The following TIMMDC1 variants were observed in gnomAD, a reference collection of about 807,000 sequenced individuals.
TIMMDC1 encodes complex I assembly factor TIMMDC1, mitochondrial.
In TIMMDC1, 25 loss-of-function variants were observed where a neutral mutation model predicts 32.6. The observed-to-expected ratio is 0.77, with a 90% confidence interval of 0.56 to 1.07. The LOEUF is 1.07. Among genes scored for constraint, TIMMDC1 ranks in the 50% least tolerant of loss-of-function variants. TIMMDC1 has a pLI of 0.00. For missense variants in TIMMDC1, 329 were observed against 349.2 expected (o/e 0.94, Z 0.46); for synonymous variants, 130 against 127.6 (o/e 1.02, Z -0.13).
chr3:119,505,189 C>G (rs900740490), intron 4 of TIMMDC1, among the ~76,000 whole-genome samples: 3 of 151,978 alleles, frequency 2.0e-5, no homozygotes, highest in Non-Finnish European at 4.4e-5. Flanking sequence ...TATATACATA[C>G]TGCAAAACAT....
At chr3:119,519,188 G>A (rs2082006972) in intron 6 of TIMMDC1, among the ~76,000 whole-genome samples, 1 of 151,986 alleles carries the variant, frequency 6.6e-6, no homozygotes, top group East Asian at 1.9e-4. Flanking sequence ...GAAGAAAGGG[G>A]AACAAAGATT....
intron 1 of TIMMDC1, among the ~76,000 whole-genome samples, chr3:119,500,052 G>T (rs553699181): frequency 3.9e-5 from 6 of 152,348 alleles, no homozygotes; most frequent in Non-Finnish European, 8.8e-5. Context: ...CTACAGGCGT[G>T]TGCTACTGTG....
At chr3:119,514,859 A>G (rs1322807068) in intron 5 of TIMMDC1, among the ~76,000 whole-genome samples, 1 of 152,088 alleles carries the variant, frequency 6.6e-6, no homozygotes, top group African/African-American at 2.4e-5. Context: ...TCTGGGGAAG[A>G]ATCTGTTTCC....
rs181834175 is a variant in TIMMDC1 at position 119,502,298 on chromosome 3, T to C, written c.361-1234T>C. On this transcript the variant is annotated intron_variant, in intron 2 of 6. Transcript: ENST00000494664. ...AGGCTGGAGTACAGTGGCACAATCT[T>C]GGCTTGCTGCAACCTCCATTTCCCA... Among the ~76,000 whole-genome samples the C allele has an allele frequency of 6.3e-3, 955 of 151,960 alleles. 5 individuals are homozygous for C. The highest frequency in any genetic ancestry group is 8.4e-3 in the Non-Finnish European group (571 of 67,924).
At position 119,498,779 on chromosome 3, in the gene TIMMDC1, T is replaced by C; in HGVS notation, c.46T>C (p.Leu16=). The change falls in exon 1 of 7, where the codon TTG becomes CTG. Residue 16 remains leucine (L), a synonymous_variant. Coordinates refer to ENST00000494664, the MANE Select transcript of TIMMDC1 (RefSeq NM_016589.4). ...ACCGCGGAGCTTTCTCTGTAGAGCA[T>C]TGTGCCTATTTCCCCGAGTCTTTGC... ...PAPRSFLCRA[L]CLFPRVFAAE... The C allele has an allele frequency of 6.2e-7, 1 of 1,614,220 alleles. No homozygotes were observed. Among genetic ancestry groups the C allele is most frequent in the Non-Finnish European group, 8.5e-7 (1 of 1,180,030 alleles).
At chr3:119,521,495 C>G (rs1050899893) in intron 6 of TIMMDC1, among the ~76,000 whole-genome samples, 1 of 152,016 alleles carries the variant, frequency 6.6e-6, no homozygotes, top group Non-Finnish European at 1.5e-5. Flanking sequence ...TGCAATGAAC[C>G]AAGATGGTGC....
At chr3:119,522,785 C>T (rs1237462948) in intron 6 of TIMMDC1, among the ~76,000 whole-genome samples, 1 of 149,588 alleles carries the variant, frequency 6.7e-6, no homozygotes, top group Non-Finnish European at 1.5e-5. Context: ...AATTGTATAG[C>T]ATATACACGT....
At chr3:119,520,302 A>G (rs1294189220) in intron 6 of TIMMDC1, among the ~76,000 whole-genome samples, 4 of 152,122 alleles carry the variant, frequency 2.6e-5, no homozygotes, top group Non-Finnish European at 5.9e-5. Flanking sequence ...ACAAAAAAAC[A>G]CAAAAGAAGA....
At chr3:119,509,167 C>T (rs1371343121) in intron 4 of TIMMDC1, among the ~76,000 whole-genome samples, 1 of 151,646 alleles carries the variant, frequency 6.6e-6, no homozygotes, top group Non-Finnish European at 1.5e-5. Context: ...GATCGCGCCA[C>T]TGCACTCCAG....
chr3:119,520,698 A>G (rs1413356255), intron 6 of TIMMDC1, among the ~76,000 whole-genome samples: 1 of 152,228 alleles, frequency 6.6e-6, no homozygotes, highest in Non-Finnish European at 1.5e-5. Context: ...GTTCCGAAAT[A>G]TTGAAGATGA....
chr3:119,502,217 T>A (rs11714843), intron 2 of TIMMDC1, among the ~76,000 whole-genome samples: 23,384 of 151,970 alleles, frequency 0.15, 2,140 homozygotes, highest in East Asian at 0.28. Context: ...TTTATTTTTT[T>A]AAAAATTATT....
chr3:119,518,655 T>C (rs781038411), intron 6 of TIMMDC1, among the ~76,000 whole-genome samples: 3 of 152,190 alleles, frequency 2.0e-5, no homozygotes, highest in Non-Finnish European at 4.4e-5. Context: ...AGCTTAAGAA[T>C]GGCTGGCTAT....
chr3:119,503,593 G>T lies in TIMMDC1; in HGVS notation c.422G>T (p.Arg141Ile). 1 of 1,611,610 alleles carries T rather than the reference G, an allele frequency of 6.2e-7. No homozygotes were observed. The highest frequency in any genetic ancestry group is 1.1e-5 in the South Asian group (1 of 90,420). The change falls in exon 3 of 7, where the codon AGA (arginine) becomes ATA (isoleucine). Residue 141 changes from arginine to isoleucine, a missense_variant. Physicochemically the swap from Arg to Ile is moderately conservative, Grantham distance 97 (BLOSUM62 -3). Coordinates refer to ENST00000494664, the MANE Select transcript of TIMMDC1 (RefSeq NM_016589.4). ...CGTTATGGCTGGCGCTGGGGTTGGA[G>T]AACTGCAGTGTTTGTGACTATATTC... ...FIRYGWRWGW[R>I]TAVFVTIFNT... is the part of the protein sequence containing the mutation.
At chr3:119,521,281 A>C (rs1253514653) in intron 6 of TIMMDC1, among the ~76,000 whole-genome samples, 2 of 152,186 alleles carry the variant, frequency 1.3e-5, no homozygotes, top group African/African-American at 4.8e-5. Flanking sequence ...GAGGCCAGGC[A>C]CGGTGGCTCA....
At chr3:119,511,033 CATAA>C (rs2081948788) in intron 4 of TIMMDC1, among the ~76,000 whole-genome samples, 1 of 152,202 alleles carries the variant, frequency 6.6e-6, no homozygotes, top group African/African-American at 2.4e-5. Flanking sequence ...TTGCTTCACA[CATAA>C]ATAGATTGGT....
At position 119,498,916 on chromosome 3, in the gene TIMMDC1, G is replaced by C. The variant is rs766928695; in HGVS notation, c.183G>C (p.Leu61=). 1 of 1,614,104 alleles carries C rather than the reference G, an allele frequency of 6.2e-7. No individual in the cohort carries two copies. The highest frequency in any genetic ancestry group is 8.5e-7 in the Non-Finnish European group (1 of 1,179,992). ...PESGWDRLRE[L]FGKDEQQRIS... is the part of the protein sequence containing the mutation. ...CTGGATGGGACCGCCTCCGGGAGCT[G>C]TTTGGCAAAGAGTAAAAGTGCCTAG... Residue 61 remains leucine (L), a synonymous_variant, in exon 1 of 7, where the codon CTG becomes CTC. Coordinates refer to ENST00000494664, the MANE Select transcript of TIMMDC1 (RefSeq NM_016589.4).
intron 6 of TIMMDC1, among the ~76,000 whole-genome samples, chr3:119,520,986 A>G (rs763266119): frequency 2.0e-5 from 3 of 152,228 alleles, no homozygotes; most frequent in Admixed American, 6.5e-5. Flanking sequence ...GAAAAAAACC[A>G]TATGATCATC....
chr3:119,505,060 A>T (rs938998586), intron 4 of TIMMDC1, among the ~76,000 whole-genome samples: 2 of 150,366 alleles, frequency 1.3e-5, no homozygotes, highest in African/African-American at 4.9e-5. Context: ...CCTGGGCAAC[A>T]AGAGTGAAAC....
Position 119,513,512 on chromosome 3 carries a change from G to A in TIMMDC1, c.518-129G>A, listed in dbSNP as rs2081967202. The A allele has an allele frequency of 2.2e-5, 15 of 683,274 alleles. No homozygotes were observed. The South Asian group carries it at 2.2e-4, about 10-fold the overall frequency. The allele number at this position is 683,274 out of a possible 1,614,324, so 42.3% of individuals were successfully genotyped here. A position where few individuals can be genotyped will look rare whatever the true frequency, so the allele number is the denominator to read the frequency against. Reference sequence around the variant, plus strand: ...GGCATTTTAGATTCAGGAAGTATAGGCTGTAGTAGTATATTAACATTGGAT... The same window carrying A: ...GGCATTTTAGATTCAGGAAGTATAGACTGTAGTAGTATATTAACATTGGAT... On this transcript the variant is annotated intron_variant, in intron 4 of 6. Coordinates refer to ENST00000494664, the MANE Select transcript of TIMMDC1 (RefSeq NM_016589.4).
Sources: allele counts gnomAD v4.1 joint callset (sites outside exome capture counted in the v4.1 genomes callset), GRCh38; gene constraint gnomAD v4.1.1; transcripts MANE v1.5; gene names NCBI Gene and HGNC (gene_info 2026-07-23, HGNC 2026-07-21).